Variants in TMPRSS11F observed in about 807,000 individuals in gnomAD.
TMPRSS11F encodes the protein transmembrane serine protease 11F.
Under a neutral mutation model 60.2 loss-of-function variants are expected in TMPRSS11F, and 47 were observed. The observed-to-expected ratio is 0.78, with a 90% confidence interval of 0.62 to 1.00. TMPRSS11F has a LOEUF of 1.00. Ranked by LOEUF, TMPRSS11F falls within the 50% of genes least tolerant of loss-of-function variation. The probability of loss-of-function intolerance (pLI) is 0.00; values close to 1 mark genes in which losing one functional copy is unlikely to be tolerated. For missense variants in TMPRSS11F, 519 were observed against 522.9 expected (o/e 0.99, Z 0.07); for synonymous variants, 166 against 167.3 (o/e 0.99, Z 0.06).
chr4:68,095,221 T>C (rs1212374131), intron 2 of TMPRSS11F, among the ~76,000 whole-genome samples: 1 of 151,636 alleles, frequency 6.6e-6, no homozygotes, highest in African/African-American at 2.4e-5. Flanking sequence ...GATTTGTGTA[T>C]ACATATGTGT....
rs189230951 is a variant in TMPRSS11F at position 68,106,376 on chromosome 4, A to T, written c.12-7338T>A. ...GGCTACTTGTGTTGTTGCAGCATTT[A>T]AAATGATAGAGCCATCTAAGTCATG... On this transcript the variant is annotated intron_variant, in intron 1 of 9. Coordinates refer to ENST00000356291, the MANE Select transcript of TMPRSS11F (RefSeq NM_207407.2). Among the ~76,000 whole-genome samples, 8 of 152,364 alleles carry T rather than the reference A, an allele frequency of 5.3e-5. No individual in the cohort carries two copies. The East Asian group carries it at 1.3e-3, about 26-fold the overall frequency.
chr4:68,084,012 C>T (rs879930269), intron 3 of TMPRSS11F, among the ~76,000 whole-genome samples: 3 of 152,048 alleles, frequency 2.0e-5, no homozygotes, highest in Non-Finnish European at 2.9e-5. Flanking sequence ...GAAAAATTTA[C>T]TACAGGAATT....
At chr4:68,087,508 C>T (rs2109861202) in intron 3 of TMPRSS11F, among the ~76,000 whole-genome samples, 1 of 152,088 alleles carries the variant, frequency 6.6e-6, no homozygotes, top group South Asian at 2.1e-4. Context: ...AAGTCCTACA[C>T]AGAGTAATGA....
intron 1 of TMPRSS11F, among the ~76,000 whole-genome samples, chr4:68,105,390 C>T (rs1361607717): frequency 6.6e-6 from 1 of 152,078 alleles, no homozygotes; most frequent in Non-Finnish European, 1.5e-5. Flanking sequence ...CGTATATCCT[C>T]TAAACTAGTG....
Position 68,093,065 on chromosome 4 carries a change from CT to C in TMPRSS11F, c.164-2425del, listed in dbSNP as rs562278099. Among the ~76,000 whole-genome samples the C allele has an allele frequency of 4.8e-3, 738 of 152,168 alleles. 3 individuals are homozygous for C. Among genetic ancestry groups the C allele is most frequent in the Non-Finnish European group, 8.4e-3 (570 of 67,978 alleles). On this transcript the variant is annotated intron_variant, in intron 2 of 9. Transcript: ENST00000356291. ...TATTGAATCTTTATTATATGCTCAG[CT>C]CATTTCACCAGTGAAGAAATTCAAC... is the stretch of plus-strand genomic sequence containing the variant.
intron 3 of TMPRSS11F, among the ~76,000 whole-genome samples, chr4:68,085,909 G>T (rs11943765): frequency 0.29 from 44,191 of 151,948 alleles, 6,513 homozygotes; most frequent in East Asian, 0.49. Context: ...TGAAGACTTG[G>T]ACAGCTACAC....
intron 8 of TMPRSS11F, among the ~76,000 whole-genome samples, chr4:68,064,191 T>G (rs1004237923): frequency 7.3e-6 from 1 of 137,906 alleles, no homozygotes; most frequent in Non-Finnish European, 1.5e-5. Flanking sequence ...TTTTTTTTCT[T>G]TTTTTTTTTT....
intron 1 of TMPRSS11F, among the ~76,000 whole-genome samples, chr4:68,103,445 CAA>C (rs56223617): frequency 0.71 from 100,983 of 142,244 alleles, 35,933 homozygotes; most frequent in East Asian, 0.87. Context: ...GACCCTGTCT[CAA>C]AAAAAAAAAA....
intron 4 of TMPRSS11F, 73 bp from the exon 5 acceptor site, chr4:68,072,559 T>G: frequency 8.3e-7 from 1 of 1,210,846 alleles, no homozygotes; most frequent in Non-Finnish European, 1.1e-6. Flanking sequence ...AGGACTCACA[T>G]TAAACTTAAA....
In TMPRSS11F at chr4:68,061,508, A is replaced by G. The variant is rs577836390; in HGVS notation, c.1016-2040T>C. On this transcript the variant is annotated intron_variant, in intron 8 of 9. Transcript: ENST00000356291. ...TCTTTATATCACAAATGTAAATTGA[A>G]GTAAGAGTGAAGATTTAGAGAGAGA... Among the ~76,000 whole-genome samples, 3 of 152,342 alleles carry G rather than the reference A, an allele frequency of 2.0e-5. No individual in the cohort carries two copies. In the South Asian group the frequency reaches 6.2e-4, roughly 32 times the overall value.
At chr4:68,068,498 C>T in intron 7 of TMPRSS11F, 120 bp downstream of exon 7, 1 of 758,878 alleles carries the variant, frequency 1.3e-6, no homozygotes, top group Non-Finnish European at 2.2e-6. Flanking sequence ...TAGGGGACAG[C>T]TAGGTCTACC....
chr4:68,076,972 A>G (rs541475811), intron 3 of TMPRSS11F, among the ~76,000 whole-genome samples: 2 of 152,204 alleles, frequency 1.3e-5, no homozygotes, highest in Non-Finnish European at 2.9e-5. Context: ...AAGTGGGAAC[A>G]CCAAGCCTGC....
In TMPRSS11F at chr4:68,129,810, G is replaced by T. The variant is rs142296401; in HGVS notation, c.11C>A (p.Ala4Glu). MMY[A>E]PVEFSEAEFS... Reference sequence around the variant, plus strand: ...TTACTGAGAAAAGCTGAATACTTACGCGTACATCATGAACCCAGGACTGGG... The same window carrying T: ...TTACTGAGAAAAGCTGAATACTTACTCGTACATCATGAACCCAGGACTGGG... The change falls in exon 1 of 10, where the codon GCA (alanine) becomes GAA (glutamate). Residue 4 changes from alanine (A) to glutamate (E), a missense_variant and splice_region_variant. By Grantham distance (107) the Ala-to-Glu change is moderately radical. Coordinates refer to ENST00000356291, the MANE Select transcript of TMPRSS11F (RefSeq NM_207407.2). 2.5e-6 allele frequency: 4 copies of T among 1,612,932 alleles called. 1 individual carries two copies. In the East Asian group the frequency reaches 8.9e-5, roughly 36 times the overall value.
intron 4 of TMPRSS11F, 51 bp downstream of exon 4, chr4:68,073,891 A>C: frequency 8.5e-7 from 1 of 1,178,926 alleles, no homozygotes. Flanking sequence ...GGTTCATCAA[A>C]TACCTCATCT....
chr4:68,122,774 C>T (rs1290858214), intron 1 of TMPRSS11F, among the ~76,000 whole-genome samples: 2 of 152,118 alleles, frequency 1.3e-5, no homozygotes, highest in Admixed American at 6.5e-5. Flanking sequence ...GAATATAGAA[C>T]ACTTTATTTT....
At chr4:68,088,595 T>C (rs1723862656) in intron 3 of TMPRSS11F, among the ~76,000 whole-genome samples, 1 of 152,136 alleles carries the variant, frequency 6.6e-6, no homozygotes, top group Non-Finnish European at 1.5e-5. Context: ...TATACATTTT[T>C]TTCAGCACCA....
At chr4:68,106,048 T>C (rs766456426) in intron 1 of TMPRSS11F, among the ~76,000 whole-genome samples, 1 of 152,184 alleles carries the variant, frequency 6.6e-6, no homozygotes, top group Non-Finnish European at 1.5e-5. Context: ...TAAAATGACA[T>C]TGTTGTGACA....
intron 8 of TMPRSS11F, among the ~76,000 whole-genome samples, chr4:68,060,099 G>C (rs1723128095): frequency 6.6e-6 from 1 of 152,094 alleles, no homozygotes; most frequent in Middle Eastern, 3.4e-3. Flanking sequence ...CCCTGAGTTA[G>C]CTGTAAGAGA....
chr4:68,120,374 A>ATGT (rs1560412778), intron 1 of TMPRSS11F, among the ~76,000 whole-genome samples: 7 of 122,032 alleles, frequency 5.7e-5, no homozygotes, highest in African/African-American at 2.3e-4. Flanking sequence ...CTACAGAGAA[A>ATGT]TCTTTTTTTT....
Sources: allele counts gnomAD v4.1 joint callset (sites outside exome capture counted in the v4.1 genomes callset), GRCh38; gene constraint gnomAD v4.1.1; transcripts MANE v1.5; gene names NCBI Gene and HGNC (gene_info 2026-07-23, HGNC 2026-07-21).